EXOC6: variants seen among roughly 807,000 people sequenced by gnomAD.
EXOC6 encodes the protein exocyst complex component 6.
A neutral mutation model predicts 112.5 loss-of-function variants in EXOC6; 60 were observed. The ratio of observed to expected loss-of-function variants is 0.53; its 90% CI spans 0.43 to 0.66. The LOEUF (loss-of-function observed/expected upper bound fraction) is 0.66, where lower values mean the gene tolerates loss of function less well. Ranked by LOEUF, EXOC6 falls within the 30% of genes least tolerant of loss-of-function variation. The pLI is 0.00. For synonymous variants in EXOC6, 295 were observed against 308.0 expected (o/e 0.96, Z 0.44); for missense variants, 855 against 957.1 (o/e 0.89, Z 1.41).
At chr10:93,039,691 A>C (rs1845673315) in intron 20 of EXOC6, among the ~76,000 whole-genome samples, 1 of 152,308 alleles carries the variant, frequency 6.6e-6, no homozygotes, top group East Asian at 1.9e-4. Context: ...AGTAGTTTCC[A>C]CTTCCTTACT....
chr10:92,909,180 A>G (rs1433159540), intron 5 of EXOC6, among the ~76,000 whole-genome samples: 1 of 152,158 alleles, frequency 6.6e-6, no homozygotes, highest in Non-Finnish European at 1.5e-5. Flanking sequence ...TTTTGATGTT[A>G]TAGATTCAGA....
chr10:92,841,938 G>A (rs1439350503), intron 1 of EXOC6, among the ~76,000 whole-genome samples: 1 of 152,170 alleles, frequency 6.6e-6, no homozygotes, highest in Non-Finnish European at 1.5e-5. Flanking sequence ...CAATGTGACA[G>A]GCAGTGGTCT....
At chr10:92,999,993 C>T (rs1034376450) in intron 19 of EXOC6, among the ~76,000 whole-genome samples, 1 of 152,100 alleles carries the variant, frequency 6.6e-6, no homozygotes, top group African/African-American at 2.4e-5. Flanking sequence ...CATGAACCAC[C>T]GTGCCTAGCC....
chr10:92,847,681 A>G (rs1317992959), upstream of EXOC6, among the ~76,000 whole-genome samples: 1 of 151,840 alleles, frequency 6.6e-6, no homozygotes, highest in Non-Finnish European at 1.5e-5. Context: ...TTTTTTCTAC[A>G]CTGATACCTT....
chr10:92,961,965 A>G (rs1216764441), intron 17 of EXOC6, among the ~76,000 whole-genome samples: 1 of 152,186 alleles, frequency 6.6e-6, no homozygotes, highest in African/African-American at 2.4e-5. Context: ...TGTAGCAGCC[A>G]CTTTTTAAAA....
chr10:93,031,513 T>G (rs1845272511), intron 20 of EXOC6, among the ~76,000 whole-genome samples: 1 of 117,110 alleles, frequency 8.5e-6, no homozygotes, highest in Non-Finnish European at 1.7e-5. Context: ...TTTCTTTCTT[T>G]TTTTTTTTTT....
chr10:92,886,704 C>T (rs1445667695), intron 1 of EXOC6, among the ~76,000 whole-genome samples: 1 of 152,212 alleles, frequency 6.6e-6, no homozygotes, highest in Non-Finnish European at 1.5e-5. Context: ...GTGATGCTAA[C>T]AGAATCCATG....
At chr10:92,973,954 T>C (rs1842398679) in intron 17 of EXOC6, 99 bp from the exon 18 acceptor site, 1 of 1,051,306 alleles carries the variant, frequency 9.5e-7, no homozygotes, top group East Asian at 2.9e-5. Context: ...ATGGCTAAAA[T>C]ATTAAACCAA....
At chr10:93,011,382 C>T (rs1213198843) in intron 19 of EXOC6, among the ~76,000 whole-genome samples, 1 of 152,008 alleles carries the variant, frequency 6.6e-6, no homozygotes, top group South Asian at 2.1e-4. Flanking sequence ...CTAGCCTCCC[C>T]AGTAGGTGGA....
chr10:92,988,491 C>T (rs1014908024), intron 18 of EXOC6, among the ~76,000 whole-genome samples: 2 of 152,044 alleles, frequency 1.3e-5, no homozygotes, highest in African/African-American at 4.8e-5. Context: ...TGGTCTCTAC[C>T]AACAGTGTCT....
intron 20 of EXOC6, among the ~76,000 whole-genome samples, chr10:93,041,647 C>T (rs190815074): frequency 8.0e-4 from 122 of 152,292 alleles, no homozygotes; most frequent in African/African-American, 2.8e-3. Context: ...CTCTTGACCT[C>T]AAGTGATCTG....
intron 18 of EXOC6, among the ~76,000 whole-genome samples, chr10:92,989,198 A>G (rs1843131924): frequency 6.6e-6 from 1 of 152,212 alleles, no homozygotes; most frequent in Non-Finnish European, 1.5e-5. Context: ...TTGCTTGATA[A>G]GTGTTTTGTT....
intron 19 of EXOC6, among the ~76,000 whole-genome samples, chr10:93,005,378 T>A (rs1165871922): frequency 6.6e-6 from 1 of 152,192 alleles, no homozygotes; most frequent in Non-Finnish European, 1.5e-5. Flanking sequence ...AAGATAAATG[T>A]CTTCTTATTT....
At chr10:92,971,890 T>A (rs1046435851) in intron 17 of EXOC6, among the ~76,000 whole-genome samples, 1 of 152,206 alleles carries the variant, frequency 6.6e-6, no homozygotes, top group Admixed American at 6.5e-5. Flanking sequence ...AACTGTACAT[T>A]TATAATAATA....
intron 7 of EXOC6, 78 bp downstream of exon 7, chr10:92,915,991 T>C: frequency 9.6e-7 from 1 of 1,040,738 alleles, no homozygotes; most frequent in Non-Finnish European, 1.4e-6. Context: ...CTGTGTGATT[T>C]AGTCTTCCTG....
chr10:93,047,246 T>G (rs1054037131), intron 20 of EXOC6, among the ~76,000 whole-genome samples: 1 of 152,028 alleles, frequency 6.6e-6, no homozygotes, highest in Non-Finnish European at 1.5e-5. Context: ...GGATGGAAAG[T>G]TGGGAGAGGG....
intron 20 of EXOC6, among the ~76,000 whole-genome samples, chr10:93,044,065 A>G (rs895993123): frequency 6.6e-6 from 1 of 152,258 alleles, no homozygotes; most frequent in Non-Finnish European, 1.5e-5. Context: ...AGCCCTGACT[A>G]CATGATGTGA....
At chr10:92,837,535 T>C (rs913471565) in intron 1 of EXOC6, among the ~76,000 whole-genome samples, 4 of 152,114 alleles carry the variant, frequency 2.6e-5, no homozygotes, top group Non-Finnish European at 5.9e-5. Flanking sequence ...TGGTGGCTTG[T>C]GCCTGTAGTC....
At chr10:93,016,625 T>C (rs11187242) in intron 20 of EXOC6, among the ~76,000 whole-genome samples, 5,175 of 152,274 alleles carry the variant, frequency 0.034, 309 homozygotes, top group African/African-American at 0.12. Flanking sequence ...AGAAACATTG[T>C]CAAATAAGAA....
Sources: gnomAD v4.1 joint callset for allele counts (sites outside exome capture counted in the v4.1 genomes callset) on GRCh38, gnomAD v4.1.1 for gene constraint, MANE v1.5 for transcripts, NCBI Gene and HGNC (gene_info 2026-07-23, HGNC 2026-07-21) for gene names.